IL1RAPL1: variants seen among roughly 807,000 people sequenced by gnomAD.
The protein encoded by IL1RAPL1 is interleukin-1 receptor accessory protein-like 1.
IL1RAPL1 carries 3 observed loss-of-function variants against 48.4 expected under a neutral mutation model. That is an observed-to-expected ratio of 0.06 (90% CI 0.03 to 0.16). The LOEUF (loss-of-function observed/expected upper bound fraction) is 0.16. IL1RAPL1 is among the 10% of genes least tolerant of loss of function. The pLI is 1.00. For synonymous variants in IL1RAPL1, 185 were observed against 187.7 expected, an observed-to-expected ratio of 0.99 and a Z score of 0.12; for missense variants, 349 against 530.6, an observed-to-expected ratio of 0.66 and a Z score of 3.36.
chrX:28,658,012 A>G (rs1225580690), intron 1 of IL1RAPL1, among the ~76,000 whole-genome samples: 1 of 112,021 alleles, frequency 8.9e-6, no homozygotes, highest in Non-Finnish European at 1.9e-5. Flanking sequence ...GTTATAATCA[A>G]CAACATTGTG....
chrX:29,219,173 G>T (rs891905719), intron 2 of IL1RAPL1, among the ~76,000 whole-genome samples: 2 of 111,996 alleles, frequency 1.8e-5, no homozygotes, highest in Non-Finnish European at 3.8e-5. Context: ...ATCGATAATT[G>T]GGAAATAAGT....
intron 2 of IL1RAPL1, among the ~76,000 whole-genome samples, chrX:29,125,377 T>C (rs1229697264): frequency 8.9e-6 from 1 of 111,892 alleles, no homozygotes; most frequent in Non-Finnish European, 1.9e-5. Flanking sequence ...GACTTTAAGA[T>C]TGATTTTTGA....
chrX:29,535,134 C>CAAAA (rs35842937), intron 5 of IL1RAPL1, among the ~76,000 whole-genome samples: 925 of 22,571 alleles, frequency 0.041, 96 homozygotes, highest in African/African-American at 0.053. Flanking sequence ...ACTCTGTCTC[C>CAAAA]AAAAAAAAAA....
chrX:28,862,223 G>A (rs1157871784), intron 2 of IL1RAPL1, among the ~76,000 whole-genome samples: 1 of 111,864 alleles, frequency 8.9e-6, no homozygotes, highest in Non-Finnish European at 1.9e-5. Flanking sequence ...ATATCTTTAT[G>A]CAATCTTTAT....
chrX:29,363,616 A>C (rs903672821), intron 3 of IL1RAPL1, among the ~76,000 whole-genome samples: 2 of 111,492 alleles, frequency 1.8e-5, no homozygotes, highest in African/African-American at 3.3e-5. Flanking sequence ...TAATTGGCTC[A>C]CGATTTTGCA....
At chrX:28,620,310 G>A (rs1439301982) in intron 1 of IL1RAPL1, among the ~76,000 whole-genome samples, 1 of 111,625 alleles carries the variant, frequency 9.0e-6, no homozygotes, top group African/African-American at 3.3e-5. Flanking sequence ...TTAAATAAAC[G>A]TTTTCCATTG....
intron 6 of IL1RAPL1, among the ~76,000 whole-genome samples, chrX:29,783,055 C>T (rs1268808908): frequency 1.9e-5 from 2 of 106,004 alleles, no homozygotes; most frequent in African/African-American, 7.0e-5. Flanking sequence ...CAGGCGCCTG[C>T]CACTACGCCC....
At chrX:29,566,081 T>C in intron 5 of IL1RAPL1, among the ~76,000 whole-genome samples, 1 of 110,517 alleles carries the variant, frequency 9.0e-6, no homozygotes, top group South Asian at 3.9e-4. Flanking sequence ...CCCGAGTAGC[T>C]GGGACTACAG....
chrX:28,621,045 G>A (rs935765530), intron 1 of IL1RAPL1, among the ~76,000 whole-genome samples: 1 of 111,874 alleles, frequency 8.9e-6, no homozygotes, highest in Admixed American at 9.5e-5. Flanking sequence ...TTTCTTCCTT[G>A]GAGAAGTCTT....
chrX:29,063,550 G>A (rs901377467), intron 2 of IL1RAPL1, among the ~76,000 whole-genome samples: 8 of 111,510 alleles, frequency 7.2e-5, no homozygotes, highest in African/African-American at 2.6e-4. Flanking sequence ...TAGAAAGGAG[G>A]AAAAGGAAAA....
intron 6 of IL1RAPL1, among the ~76,000 whole-genome samples, chrX:29,748,206 A>G (rs1361187399): frequency 1.3e-4 from 14 of 111,829 alleles, no homozygotes; most frequent in Admixed American, 9.5e-5. Context: ...CCTTTTTTCC[A>G]TAAAAAGACA....
intron 3 of IL1RAPL1, among the ~76,000 whole-genome samples, chrX:29,340,938 G>C (rs946041258): frequency 1.8e-5 from 2 of 111,800 alleles, no homozygotes; most frequent in Admixed American, 1.9e-4. Context: ...ATTTTACTAT[G>C]CATTAGAAAT....
In IL1RAPL1 at chrX:29,863,264, C is replaced by T. The variant is rs142536960; in HGVS notation, c.779-54200C>T. 4.7e-3 allele frequency among the ~76,000 whole-genome samples: 532 copies of T among 112,104 alleles called. 2 individuals carry two copies. Among genetic ancestry groups the T allele is most frequent in the African/African-American group, 0.017 (513 of 30,880 alleles). On this transcript the variant is annotated intron_variant, in intron 6 of 10. Coordinates refer to ENST00000378993, the MANE Select transcript of IL1RAPL1 (RefSeq NM_014271.4). ...AACAATAATAATGATGATGGAATAG[C>T]TGACACAATGCAAATTTTAAATAGA...
chrX:29,705,837 G>T (rs1308898930), intron 6 of IL1RAPL1, among the ~76,000 whole-genome samples: 2 of 112,445 alleles, frequency 1.8e-5, no homozygotes, highest in African/African-American at 6.5e-5. Flanking sequence ...GATGAAATAA[G>T]AATTTCTTTG....
chrX:29,741,471 C>T (rs1306998338), intron 6 of IL1RAPL1, among the ~76,000 whole-genome samples: 1 of 111,034 alleles, frequency 9.0e-6, no homozygotes, highest in Non-Finnish European at 1.9e-5. Context: ...AGGTTTATAT[C>T]AACAGATTTA....
intron 5 of IL1RAPL1, among the ~76,000 whole-genome samples, chrX:29,592,578 G>C (rs773541514): frequency 9.0e-6 from 1 of 111,484 alleles, no homozygotes; most frequent in Non-Finnish European, 1.9e-5. Context: ...GGTTTACCTC[G>C]TTTCACCTCT....
At chrX:29,336,666 T>G (rs1933001220) in intron 3 of IL1RAPL1, among the ~76,000 whole-genome samples, 1 of 110,823 alleles carries the variant, frequency 9.0e-6, no homozygotes, top group South Asian at 3.8e-4. Context: ...TTTCTGTGCT[T>G]AAGTTCGATG....
intron 5 of IL1RAPL1, among the ~76,000 whole-genome samples, chrX:29,571,411 C>T (rs915408390): frequency 4.5e-5 from 5 of 110,975 alleles, no homozygotes; most frequent in African/African-American, 1.3e-4. Flanking sequence ...TAGGAGGCAT[C>T]AAGATAAGAT....
At chrX:28,780,940 A>G (rs188568115) in intron 1 of IL1RAPL1, among the ~76,000 whole-genome samples, 1 of 111,603 alleles carries the variant, frequency 9.0e-6, no homozygotes, top group African/African-American at 3.2e-5. Context: ...AAAGCTAAAT[A>G]ATATTCCATC....
Sources: gnomAD v4.1 joint callset for allele counts (sites outside exome capture counted in the v4.1 genomes callset) on GRCh38, gnomAD v4.1.1 for gene constraint, MANE v1.5 for transcripts, NCBI Gene and HGNC (gene_info 2026-07-23, HGNC 2026-07-21) for gene names.